ARID5B: variants seen among roughly 807,000 people sequenced by gnomAD.
ARID5B encodes the protein AT-rich interactive domain-containing protein 5B.
A neutral mutation model predicts 97.2 loss-of-function variants in ARID5B; 13 were observed. The ratio of observed to expected loss-of-function variants is 0.13; its 90% CI spans 0.09 to 0.21. ARID5B has a LOEUF of 0.21. ARID5B is among the 10% of genes least tolerant of loss of function. The pLI is 1.00. For synonymous variants in ARID5B, 556 were observed against 570.3 expected, an observed-to-expected ratio of 0.97 and a Z score of 0.36; for missense variants, 1,210 against 1,465.3, an observed-to-expected ratio of 0.83 and a Z score of 2.84.
At chr10:61,924,038 G>A (rs1461165541) in intron 2 of ARID5B, among the ~76,000 whole-genome samples, 1 of 152,242 alleles carries the variant, frequency 6.6e-6, no homozygotes, top group African/African-American at 2.4e-5. Flanking sequence ...TTGTCAGGAT[G>A]CCTAGTAGTA....
At chr10:61,908,532 G>C (rs1843741795) in intron 2 of ARID5B, among the ~76,000 whole-genome samples, 1 of 152,140 alleles carries the variant, frequency 6.6e-6, no homozygotes, top group Admixed American at 6.6e-5. Context: ...CCTCGGCCAG[G>C]CATAGTGGCT....
At chr10:61,971,066 A>G (rs1307543287) in intron 3 of ARID5B, among the ~76,000 whole-genome samples, 1 of 152,148 alleles carries the variant, frequency 6.6e-6, no homozygotes, top group East Asian at 1.9e-4. Flanking sequence ...AGACCCTGAA[A>G]CAGTGATTTA....
At chr10:62,077,567 C>T (rs894776318) in intron 8 of ARID5B, among the ~76,000 whole-genome samples, 1 of 152,110 alleles carries the variant, frequency 6.6e-6, no homozygotes, top group Non-Finnish European at 1.5e-5. Context: ...TTTTCTTTGT[C>T]GAGCTCCTTT....
chr10:62,079,439 T>C (rs1332364861), intron 8 of ARID5B, among the ~76,000 whole-genome samples: 2 of 152,230 alleles, frequency 1.3e-5, no homozygotes, highest in Admixed American at 6.5e-5. Flanking sequence ...TGCCTGGTAT[T>C]AATAAGAATG....
At chr10:61,939,911 A>G (rs1442620842) in intron 2 of ARID5B, among the ~76,000 whole-genome samples, 2 of 152,250 alleles carry the variant, frequency 1.3e-5, no homozygotes, top group Non-Finnish European at 2.9e-5. Flanking sequence ...AACCAACATT[A>G]AAAATGGCTT....
chr10:62,010,824 A>G (rs1241297351), intron 4 of ARID5B, among the ~76,000 whole-genome samples: 1 of 152,212 alleles, frequency 6.6e-6, no homozygotes, highest in Non-Finnish European at 1.5e-5. Context: ...CAACCTTTCC[A>G]ACTTGTAACA....
At chr10:62,083,265 C>T (rs114162084) in intron 8 of ARID5B, among the ~76,000 whole-genome samples, 165 of 125,210 alleles carry the variant, frequency 1.3e-3, no homozygotes, top group African/African-American at 4.9e-3. Context: ...CAGCCAGCTG[C>T]TGAGTTGAGT....
At chr10:61,939,727 A>G (rs1270849882) in intron 2 of ARID5B, among the ~76,000 whole-genome samples, 1 of 152,252 alleles carries the variant, frequency 6.6e-6, no homozygotes, top group Non-Finnish European at 1.5e-5. Context: ...TACCATAAAC[A>G]TAGGAATTTG....
intron 2 of ARID5B, among the ~76,000 whole-genome samples, chr10:61,922,143 C>T (rs573667585): frequency 2.4e-4 from 37 of 152,342 alleles, no homozygotes; most frequent in African/African-American, 8.7e-4. Context: ...TACAGCATGT[C>T]AACAAGCCAT....
At chr10:61,967,210 C>G (rs1455092600) in intron 3 of ARID5B, among the ~76,000 whole-genome samples, 1 of 152,164 alleles carries the variant, frequency 6.6e-6, no homozygotes, top group African/African-American at 2.4e-5. Context: ...ACTCAAGCAG[C>G]TGATTAAAAC....
intron 2 of ARID5B, 89 bp downstream of exon 2, chr10:61,902,502 T>C: frequency 6.6e-7 from 1 of 1,523,064 alleles, no homozygotes; most frequent in African/African-American, 1.4e-5. Context: ...AATACTGTAT[T>C]CACTTCTGCA....
chr10:62,040,875 C>T (rs891586179), intron 4 of ARID5B, among the ~76,000 whole-genome samples: 1 of 152,120 alleles, frequency 6.6e-6, no homozygotes, highest in Admixed American at 6.5e-5. Context: ...CTGTATCAGA[C>T]ACAGCAATTC....
intron 3 of ARID5B, among the ~76,000 whole-genome samples, chr10:61,977,247 C>T (rs1328330801): frequency 1.3e-5 from 2 of 152,192 alleles, no homozygotes; most frequent in Non-Finnish European, 2.9e-5. Flanking sequence ...TTTCTTTATC[C>T]AGTCTATCAT....
At position 62,026,082 on chromosome 10, in the gene ARID5B, C is replaced by T. The variant is rs116223933; in HGVS notation, c.734-24806C>T. ...CACTCATTTACCACCCTCTTTCACTCTTTCAGTCGGGTTCAGATTCCAAGT... is the reference window on the plus strand; with the variant it reads ...CACTCATTTACCACCCTCTTTCACTTTTTCAGTCGGGTTCAGATTCCAAGT... On this transcript the variant is annotated intron_variant, in intron 4 of 9. Coordinates refer to ENST00000279873, the MANE Select transcript of ARID5B (RefSeq NM_032199.3). 3.9e-3 allele frequency among the ~76,000 whole-genome samples: 595 copies of T among 152,356 alleles called. 3 individuals carry two copies. Among genetic ancestry groups the T allele is most frequent in the African/African-American group, 0.014 (568 of 41,586 alleles).
rs185451077 is a variant in ARID5B, at chr10:62,064,306, A to G, written c.1101+5011A>G. On this transcript the variant is annotated intron_variant, in intron 7 of 9. Coordinates refer to ENST00000279873, the MANE Select transcript of ARID5B (RefSeq NM_032199.3). ...CCAGTTCCTGGAGTACTACCAGGAA[A>G]AGAAAGTCATCTTCCTTGAATTCAG... Among the ~76,000 whole-genome samples the G allele has an allele frequency of 7.2e-5, 11 of 152,328 alleles. No individual in the cohort carries two copies. The East Asian group carries it at 1.2e-3, about 16-fold the overall frequency.
At chr10:62,081,510 G>A (rs1840213492) in intron 8 of ARID5B, among the ~76,000 whole-genome samples, 1 of 152,200 alleles carries the variant, frequency 6.6e-6, no homozygotes, top group East Asian at 1.9e-4. Context: ...TGCTTCTGAG[G>A]AAGGGAGGGG....
chr10:62,061,047 TC>T, intron 7 of ARID5B, among the ~76,000 whole-genome samples: 1 of 152,338 alleles, frequency 6.6e-6, no homozygotes, highest in Non-Finnish European at 1.5e-5. Flanking sequence ...GACCACACAA[TC>T]AGCAAAACAC....
chr10:62,005,744 G>A (rs1363631724), intron 4 of ARID5B, among the ~76,000 whole-genome samples: 3 of 152,204 alleles, frequency 2.0e-5, no homozygotes, highest in Admixed American at 6.5e-5. Flanking sequence ...AAATTAATTT[G>A]AAGCATAAAG....
intron 6 of ARID5B, among the ~76,000 whole-genome samples, chr10:62,058,582 A>G (rs1207271749): frequency 1.3e-5 from 2 of 152,190 alleles, no homozygotes; most frequent in African/African-American, 4.8e-5. Context: ...AAAAAAATAT[A>G]TTTGCAACAT....
Sources: allele counts gnomAD v4.1 joint callset (sites outside exome capture counted in the v4.1 genomes callset), GRCh38; gene constraint gnomAD v4.1.1; transcripts MANE v1.5; gene names NCBI Gene and HGNC (gene_info 2026-07-23, HGNC 2026-07-21).